Variants in UBR4 observed in about 807,000 individuals in gnomAD.
UBR4 encodes the protein ubiquitin protein ligase E3 component n-recognin 4, also known as E3 ubiquitin-protein ligase UBR4.
Under a neutral mutation model 575.6 loss-of-function variants are expected in UBR4, and 124 were observed. That is an observed-to-expected ratio of 0.22 (90% confidence interval 0.19 to 0.25). UBR4 has a LOEUF of 0.25. Ranked by LOEUF, UBR4 falls within the 10% of genes least tolerant of loss-of-function variation. The probability of loss-of-function intolerance (pLI) is 1.00; values close to 1 mark genes in which losing one functional copy is unlikely to be tolerated. For missense variants in UBR4, 4,818 were observed against 6,478.8 expected (o/e 0.74, Z 8.80); for synonymous variants, 2,455 against 2,473.7 (o/e 0.99, Z 0.22).
intron 97 of UBR4, among the ~76,000 whole-genome samples, chr1:19,090,149 G>C (rs898330144): frequency 6.6e-6 from 1 of 152,202 alleles, no homozygotes; most frequent in African/African-American, 2.4e-5. Context: ...AAACTGAGCA[G>C]GTTCTTGATT....
In UBR4 at chr1:19,145,840, T is replaced by C; in HGVS notation, c.7898A>G (p.His2633Arg). ...TQLVNHFWKL[H>R]ASKPKNAFLA... is the part of the protein sequence containing the mutation. ...GAAGGCATTCTTGGGTTTGGATGCA[T>C]GGAGTTTCCAGAAGTGGTTCACAAG... is the stretch of plus-strand genomic sequence containing the variant. Residue 2633 changes from histidine to arginine, a missense_variant, in exon 53 of 106, where the codon CAT becomes CGT. Coordinates refer to ENST00000375254, the MANE Select transcript of UBR4 (RefSeq NM_020765.3). 6.2e-7 allele frequency: 1 copy of C among 1,614,234 alleles called. No homozygotes were observed. Among genetic ancestry groups the C allele is most frequent in the Non-Finnish European group, 8.5e-7 (1 of 1,180,038 alleles).
At chr1:19,177,160 G>A (rs939992221) in intron 19 of UBR4, among the ~76,000 whole-genome samples, 2 of 152,142 alleles carry the variant, frequency 1.3e-5, no homozygotes, top group Non-Finnish European at 2.9e-5. Context: ...TACTCATCAA[G>A]GGCCGATGCT....
At chr1:19,178,583 C>T (rs929709964) in intron 18 of UBR4, among the ~76,000 whole-genome samples, 1 of 152,168 alleles carries the variant, frequency 6.6e-6, no homozygotes, top group Non-Finnish European at 1.5e-5. Context: ...TTGAAGACTT[C>T]TAACCATGTA....
rs537258489 is a variant in UBR4, at chr1:19,164,733, T to C, written c.4511+66A>G. On this transcript the variant is annotated intron_variant, in intron 32 of 105. Coordinates refer to ENST00000375254, the MANE Select transcript of UBR4 (RefSeq NM_020765.3). ...CTAAGACTGGTGCCCGAAGGAAAGA[T>C]AACTGCAAATATCAACGTGTTTCTG... is the stretch of plus-strand genomic sequence containing the variant. 1.1e-4 allele frequency: 178 copies of C among 1,576,366 alleles called. 2 individuals carry two copies. The South Asian group carries it at 1.7e-3, about 15-fold the overall frequency.
rs187266175 is a variant in UBR4 at position 19,135,387 on chromosome 1, C to T, written c.8906+2620G>A. Among the ~76,000 whole-genome samples the T allele has an allele frequency of 9.5e-3, 1,450 of 152,236 alleles. 9 individuals are homozygous for T. The highest frequency in any genetic ancestry group is 0.015 in the African/African-American group (616 of 41,534). Reference sequence around the variant, plus strand: ...TTTCTTCAATACTGCCTTGGCTAATCGACATAAATGTTAGTATCAACTTGT... The same window carrying T: ...TTTCTTCAATACTGCCTTGGCTAATTGACATAAATGTTAGTATCAACTTGT... On this transcript the variant is annotated intron_variant, in intron 60 of 105. Transcript: ENST00000375254.
chr1:19,199,519 G>A (rs895116564), intron 3 of UBR4, 132 bp downstream of exon 3: 5 of 746,718 alleles, frequency 6.7e-6, no homozygotes, highest in Non-Finnish European at 8.8e-6. Context: ...AGCTGCAACA[G>A]ATAACATACA....
intron 104 of UBR4, 91 bp downstream of exon 104, chr1:19,077,883 CAG>C (rs750077598): frequency 6.2e-7 from 1 of 1,605,050 alleles, no homozygotes; most frequent in Non-Finnish European, 8.5e-7. Context: ...AGCGGAGGAG[CAG>C]CCATGTGGGT....
In UBR4 at chr1:19,124,830, G is replaced by A. The variant is rs76205620; in HGVS notation, c.9439-140C>T. The A allele has an allele frequency of 5.5e-3, 6,127 of 1,118,038 alleles. 161 individuals carry two copies. In the East Asian group the frequency reaches 0.07, roughly 13 times the overall value. 69.3% of individuals were successfully genotyped at this position (1,118,038 alleles called of 1,614,324 possible). ...TTCAGAGCTGGAATCAAGACTGACT[G>A]ACAGTTTATTCTATAAACCCAGAAG... On this transcript the variant is annotated intron_variant, in intron 64 of 105. Transcript: ENST00000375254.
At chr1:19,087,952 T>C (rs1252955438) in intron 98 of UBR4, 23 bp from the exon 99 acceptor site, 1 of 1,574,018 alleles carries the variant, frequency 6.4e-7, no homozygotes, top group Non-Finnish European at 8.7e-7. Context: ...CCCGGTGGCA[T>C]GTCAAGGGGA....
intron 49 of UBR4, among the ~76,000 whole-genome samples, chr1:19,150,013 T>C (rs1022562619): frequency 2.7e-4 from 41 of 152,064 alleles, no homozygotes; most frequent in African/African-American, 9.4e-4. Flanking sequence ...CATCATGAAT[T>C]ATAATATTTC....
chr1:19,161,850 C>T lies in UBR4; in HGVS notation c.5004G>A (p.Gln1668=). The stretch of plus-strand genomic sequence containing the variant: ...ACCAATGCTGGTTCATGAATTCTTT[C>T]TGTGTGATCGTAAAAGTGCAGAGTT... ...CNKLCTFTIT[Q]KEFMNQHWYH... The change falls in exon 36 of 106, where the codon CAG becomes CAA. Residue 1668 remains glutamine (Q), a synonymous_variant. Coordinates refer to ENST00000375254, the MANE Select transcript of UBR4 (RefSeq NM_020765.3). 1 of 1,614,258 alleles carries T rather than the reference C, an allele frequency of 6.2e-7. No homozygotes were observed. Among genetic ancestry groups the T allele is most frequent in the Non-Finnish European group, 8.5e-7 (1 of 1,180,040 alleles).
At chr1:19,086,295 A>C (rs2077002388) in intron 100 of UBR4, 25 bp from the exon 101 acceptor site, 1 of 1,322,134 alleles carries the variant, frequency 7.6e-7, no homozygotes, top group African/African-American at 1.6e-5. Context: ...GAGCAGGGAC[A>C]AGCGACTGCT....
rs760009445 is a variant in UBR4 at position 19,105,668 on chromosome 1, C to T, written c.12503+65G>A. ...TCATTACCCTGATCCATGGATTCCC[C>T]GGGGAAGATGAAAAGGCTCTAGAGC... On this transcript the variant is annotated intron_variant, in intron 84 of 105. Coordinates refer to ENST00000375254, the MANE Select transcript of UBR4 (RefSeq NM_020765.3). The T allele has an allele frequency of 2.2e-5, 27 of 1,242,694 alleles. 1 individual carries two copies. Among genetic ancestry groups the T allele is most frequent in the South Asian group, 4.9e-5 (3 of 61,396 alleles). 77.0% of individuals were successfully genotyped at this position (1,242,694 alleles called of 1,614,324 possible). A position where few individuals can be genotyped will look rare whatever the true frequency, so the allele number is the denominator to read the frequency against.
chr1:19,123,148 C>A, intron 65 of UBR4, 88 bp from the exon 66 acceptor site: 5 of 1,415,468 alleles, frequency 3.5e-6, no homozygotes, highest in Admixed American at 2.0e-5. Context: ...TTTTAATAAA[C>A]TGTTATTAAA....
intron 99 of UBR4, among the ~76,000 whole-genome samples, 166 bp downstream of exon 99, chr1:19,087,650 G>A (rs192149954): frequency 3.3e-5 from 5 of 152,328 alleles, no homozygotes; most frequent in South Asian, 2.1e-4. Context: ...GGATGAGCTC[G>A]CCTTCCTGCC....
Position 19,179,262 on chromosome 1 carries a change from C to T in UBR4, c.2185-42G>A, listed in dbSNP as rs369425181. 19 of 1,490,162 alleles carry T rather than the reference C, an allele frequency of 1.3e-5. No homozygotes were observed. In the East Asian group the frequency reaches 2.4e-4, roughly 19 times the overall value. 92.3% of individuals were successfully genotyped at this position (1,490,162 alleles called of 1,614,324 possible). ...GGAACAGAACATTAGCAAACAGATA[C>T]GGGATAAAGTCAAAAGGTTACTCAT... On this transcript the variant is annotated intron_variant, in intron 17 of 105. Transcript: ENST00000375254.
At chr1:19,144,646 A>C (rs1247702289) in intron 54 of UBR4, 140 bp downstream of exon 54, 2 of 1,246,418 alleles carry the variant, frequency 1.6e-6, no homozygotes, top group Admixed American at 2.7e-5. Context: ...TAAGATCTTA[A>C]AGCTTTTATT....
At chr1:19,197,040 G>T in intron 8 of UBR4, 101 bp downstream of exon 8, 1 of 1,405,966 alleles carries the variant, frequency 7.1e-7, no homozygotes, top group Non-Finnish European at 9.7e-7. Context: ...AGAGAAGGAA[G>T]CAAGGGGGAT....
intron 8 of UBR4, among the ~76,000 whole-genome samples, chr1:19,196,093 C>G (rs1253186253): frequency 1.3e-5 from 2 of 151,918 alleles, no homozygotes; most frequent in Non-Finnish European, 2.9e-5. Context: ...AATAGCCAAG[C>G]CGAGATCCTA....
Sources: allele counts gnomAD v4.1 joint callset (sites outside exome capture counted in the v4.1 genomes callset), GRCh38; gene constraint gnomAD v4.1.1; transcripts MANE v1.5; gene names NCBI Gene and HGNC (gene_info 2026-07-23, HGNC 2026-07-21).